SAMD5: variants seen among roughly 807,000 people sequenced by gnomAD.
The protein encoded by SAMD5 is sterile alpha motif domain containing 5.
SAMD5 carries 13 observed loss-of-function variants against 11.3 expected under a neutral mutation model. The ratio of observed to expected loss-of-function variants is 1.15; its 90% CI spans 0.75 to 1.83. The LOEUF (loss-of-function observed/expected upper bound fraction) is 1.83, where lower values mean the gene tolerates loss of function less well. Ranked by LOEUF, SAMD5 falls within the 40% of genes most tolerant of loss-of-function variation. The probability of loss-of-function intolerance (pLI) is 0.00; values close to 1 mark genes in which losing one functional copy is unlikely to be tolerated. For missense variants in SAMD5, 255 were observed against 239.1 expected, an observed-to-expected ratio of 1.07 and a Z score of -0.44; for synonymous variants, 129 against 111.3, an observed-to-expected ratio of 1.16 and a Z score of -1.00.
the SAMD5 span, among the ~76,000 whole-genome samples, chr6:147,954,299 A>G: frequency 0.61 from 92,599 of 151,996 alleles, 28,608 homozygotes; most frequent in Middle Eastern, 0.74. Context: ...TACCAGATTG[A>G]AAAACAGCAA....
the SAMD5 span, among the ~76,000 whole-genome samples, chr6:147,878,736 G>T: frequency 6.7e-6 from 1 of 150,244 alleles, no homozygotes; most frequent in Admixed American, 6.7e-5. Flanking sequence ...CTATATATAG[G>T]TCCTATTTCT....
At chr6:147,709,006 C>G (rs941874552) in intron 1 of SAMD5, among the ~76,000 whole-genome samples, 1 of 152,210 alleles carries the variant, frequency 6.6e-6, no homozygotes, top group African/African-American at 2.4e-5. Flanking sequence ...GCTATTCACT[C>G]ATACTCCTCT....
chr6:147,909,560 TTTTCTTTC>T, the SAMD5 span, among the ~76,000 whole-genome samples: 4,659 of 78,448 alleles, frequency 0.059, 186 homozygotes, highest in East Asian at 0.074. Flanking sequence ...CATCCATCTT[TTTTCTTTC>T]TTTCTTTCTT....
chr6:147,514,513 C>T (rs77005755), intron 1 of SAMD5, among the ~76,000 whole-genome samples: 2,360 of 151,632 alleles, frequency 0.016, 29 homozygotes, highest in Non-Finnish European at 0.022. Context: ...TAAGAAGGTA[C>T]GCTCACCATT....
intron 1 of SAMD5, among the ~76,000 whole-genome samples, chr6:147,596,535 G>T (rs374952422): frequency 6.6e-6 from 1 of 152,076 alleles, no homozygotes; most frequent in African/African-American, 2.4e-5. Context: ...CAGAGAAAAT[G>T]GGATTATCAT....
rs538162536 is a variant in SAMD5, at chr6:147,616,010, G to A, written c.162+106623G>A. Among the ~76,000 whole-genome samples the A allele has an allele frequency of 6.1e-5, 9 of 147,192 alleles. No homozygotes were observed. In the East Asian group the frequency reaches 1.2e-3, roughly 19 times the overall value. ...GGTTACATTTAAGGTCCACAACCTC[G>A]TAGGTGGTGTGATGTTGGACCTTTG... On this transcript the variant is annotated intron_variant, in intron 1 of 1. Transcript: ENST00000566741.
the SAMD5 span, among the ~76,000 whole-genome samples, chr6:147,820,860 A>G: frequency 6.6e-6 from 1 of 152,172 alleles, no homozygotes; most frequent in Non-Finnish European, 1.5e-5. Context: ...CACCTCAGTT[A>G]TTACTTTTGT....
chr6:147,792,006 A>T, the SAMD5 span, among the ~76,000 whole-genome samples: 2 of 152,206 alleles, frequency 1.3e-5, no homozygotes, highest in Admixed American at 6.5e-5. Context: ...TGTATATGAC[A>T]TGCATTTGTG....
At chr6:147,726,431 A>G (rs1180167601) in intron 1 of SAMD5, among the ~76,000 whole-genome samples, 2 of 152,240 alleles carry the variant, frequency 1.3e-5, no homozygotes, top group Non-Finnish European at 2.9e-5. Context: ...AAGATTTTAT[A>G]GTTGCTTATA....
At chr6:147,562,951 A>G (rs770899964) in intron 1 of SAMD5, among the ~76,000 whole-genome samples, 1 of 152,200 alleles carries the variant, frequency 6.6e-6, no homozygotes, top group Non-Finnish European at 1.5e-5. Context: ...TGGTTTGTTC[A>G]GATAGGTTGA....
At chr6:147,786,559 C>T in the SAMD5 span, among the ~76,000 whole-genome samples, 1 of 152,164 alleles carries the variant, frequency 6.6e-6, no homozygotes, top group African/African-American at 2.4e-5. Context: ...TTCTGAATTT[C>T]ATCAGTCAAA....
rs1186871672 is a variant in SAMD5 at position 147,509,204 on chromosome 6, C to T, written c.276C>T (p.Thr92=). 2 of 1,303,194 alleles carry T rather than the reference C, an allele frequency of 1.5e-6. No homozygotes were observed. Among genetic ancestry groups the T allele is most frequent in the Middle Eastern group, 2.7e-4 (1 of 3,712 alleles). 80.7% of individuals were successfully genotyped at this position (1,303,194 alleles called of 1,614,324 possible). ...PPGPPADAVP[T]GRRGEPCGGP... ...GGCCGCCCGCCGACGCCGTCCCCAC[C>T]GGCCGCCGGGGGGAGCCGTGCGGCG... The change falls in exon 1 of 2, where the codon ACC becomes ACT. Residue 92 remains threonine (T), a synonymous_variant. Coordinates refer to ENST00000367474, the MANE Select transcript of SAMD5 (RefSeq NM_001030060.3).
chr6:147,911,714 A>G, the SAMD5 span, among the ~76,000 whole-genome samples: 1 of 152,226 alleles, frequency 6.6e-6, no homozygotes, highest in Non-Finnish European at 1.5e-5. Context: ...GCTGTTTTAG[A>G]AACTACCCAA....
At chr6:147,931,698 G>A in the SAMD5 span, among the ~76,000 whole-genome samples, 1 of 152,150 alleles carries the variant, frequency 6.6e-6, no homozygotes, top group Non-Finnish European at 1.5e-5. Flanking sequence ...GTGCTGCAGA[G>A]CAAGGAAACA....
At chr6:147,675,775 G>A (rs1192753409) in intron 1 of SAMD5, among the ~76,000 whole-genome samples, 1 of 152,076 alleles carries the variant, frequency 6.6e-6, no homozygotes, top group Admixed American at 6.5e-5. Context: ...CACCTTCATA[G>A]AATCCATTTA....
At chr6:147,660,030 A>T (rs897231472) in intron 1 of SAMD5, among the ~76,000 whole-genome samples, 3 of 152,180 alleles carry the variant, frequency 2.0e-5, no homozygotes, top group African/African-American at 7.2e-5. Context: ...CTGACCGAAG[A>T]CACTCAGGTG....
rs1789061042 is a variant in SAMD5 at position 147,567,498 on chromosome 6, A to C, written c.*3042A>C. 1.0e-6 allele frequency: 1 copy of C among 956,458 alleles called. No homozygotes were observed. Among genetic ancestry groups the C allele is most frequent in the South Asian group, 4.8e-5 (1 of 20,718 alleles). The allele number at this position is 956,458 out of a possible 1,614,324, so 59.2% of individuals were successfully genotyped here. A position where few individuals can be genotyped will look rare whatever the true frequency, so the allele number is the denominator to read the frequency against. On this transcript the variant is annotated 3_prime_UTR_variant, in exon 2 of 2. Transcript: ENST00000367474. The stretch of plus-strand genomic sequence containing the variant: ...TGGGGAATCATCTTGAACAGTTATG[A>C]AACTCATTAAAGCTTCTTTTCCCTT...
chr6:147,558,555 T>G (rs532313054), intron 1 of SAMD5, among the ~76,000 whole-genome samples: 5 of 152,246 alleles, frequency 3.3e-5, no homozygotes, highest in Non-Finnish European at 7.4e-5. Flanking sequence ...GCTGTCAAAT[T>G]GATTTCCTGT....
chr6:147,747,781 G>A, the SAMD5 span, among the ~76,000 whole-genome samples: 2 of 152,176 alleles, frequency 1.3e-5, no homozygotes, highest in African/African-American at 4.8e-5. Context: ...TAGAAACTCT[G>A]TTCTATTCCT....
Sources: gnomAD v4.1 joint callset for allele counts (sites outside exome capture counted in the v4.1 genomes callset) on GRCh38, gnomAD v4.1.1 for gene constraint, MANE v1.5 for transcripts, NCBI Gene and HGNC (gene_info 2026-07-23, HGNC 2026-07-21) for gene names.